Variants in RIMS2 observed in about 807,000 individuals in gnomAD.
RIMS2 encodes regulating synaptic membrane exocytosis protein 2.
Under a neutral mutation model 174.4 loss-of-function variants are expected in RIMS2, and 59 were observed. The observed-to-expected ratio is 0.34, with a 90% CI of 0.27 to 0.42. The LOEUF (loss-of-function observed/expected upper bound fraction) is 0.42, where lower values mean the gene tolerates loss of function less well. RIMS2 is among the 10% of genes least tolerant of loss of function. The probability of loss-of-function intolerance (pLI) is 1.00; values close to 1 mark genes in which losing one functional copy is unlikely to be tolerated. For missense variants in RIMS2, 1,620 were observed against 1,666.3 expected (o/e 0.97, Z 0.48); for synonymous variants, 606 against 572.5 (o/e 1.06, Z -0.84).
chr8:103,609,874 A>G (rs956775489), intron 1 of RIMS2, among the ~76,000 whole-genome samples: 5 of 152,244 alleles, frequency 3.3e-5, no homozygotes, highest in Middle Eastern at 3.4e-3. Context: ...GAAGTATGTC[A>G]TTGGTAGTTT....
intron 19 of RIMS2, among the ~76,000 whole-genome samples, chr8:104,114,472 TAAAGA>T (rs1307001553): frequency 6.6e-6 from 1 of 151,966 alleles, no homozygotes; most frequent in Non-Finnish European, 1.5e-5. Flanking sequence ...AGATGACAGT[TAAAGA>T]AGAGAACAAA....
Position 103,766,207 on chromosome 8 carries a change from C to T in RIMS2, c.388-20C>T. The T allele has an allele frequency of 2.6e-6, 4 of 1,551,082 alleles. No individual in the cohort carries two copies. Among genetic ancestry groups the T allele is most frequent in the African/African-American group, 1.4e-5 (1 of 72,664 alleles). On this transcript the variant is annotated intron_variant, in intron 2 of 23. Transcript: ENST00000504942. ...ACTTTTGGGAACACTAATTTTTTCC[C>T]CCTATGTCTTCATGTGCAGGTTATG...
chr8:103,569,278 G>T (rs926574072), intron 1 of RIMS2, among the ~76,000 whole-genome samples: 1 of 151,972 alleles, frequency 6.6e-6, no homozygotes, highest in Non-Finnish European at 1.5e-5. Flanking sequence ...AGCACTATTT[G>T]TTGTAAATAC....
chr8:103,987,496 C>T (rs908942932), intron 16 of RIMS2, among the ~76,000 whole-genome samples: 1 of 152,120 alleles, frequency 6.6e-6, no homozygotes, highest in Non-Finnish European at 1.5e-5. Context: ...GAACCACCTA[C>T]ACTTCATAAA....
intron 1 of RIMS2, among the ~76,000 whole-genome samples, chr8:103,512,580 C>G (rs927711215): frequency 2.0e-5 from 3 of 151,952 alleles, no homozygotes; most frequent in African/African-American, 7.2e-5. Flanking sequence ...GGTATGCATA[C>G]AACTTCTGCT....
chr8:103,519,388 G>A (rs1055437399), intron 1 of RIMS2, among the ~76,000 whole-genome samples: 1 of 152,012 alleles, frequency 6.6e-6, no homozygotes, highest in Non-Finnish European at 1.5e-5. Flanking sequence ...TTTGCAGCAG[G>A]AATTTATATA....
intron 17 of RIMS2, among the ~76,000 whole-genome samples, chr8:103,991,137 T>G (rs1471341072): frequency 6.6e-6 from 1 of 151,710 alleles, no homozygotes; most frequent in Non-Finnish European, 1.5e-5. Context: ...TCATTATATT[T>G]TTATTTTTTA....
intron 1 of RIMS2, among the ~76,000 whole-genome samples, chr8:103,602,728 A>G (rs902091790): frequency 1.3e-5 from 2 of 152,226 alleles, no homozygotes; most frequent in African/African-American, 4.8e-5. Context: ...GGTTGAATCC[A>G]TGTCTTTGCT....
At chr8:104,215,950 G>T (rs2099127881) in intron 19 of RIMS2, among the ~76,000 whole-genome samples, 1 of 152,076 alleles carries the variant, frequency 6.6e-6, no homozygotes, top group Admixed American at 6.5e-5. Flanking sequence ...AGTTTTCTTT[G>T]TCCCTATTTT....
At chr8:104,029,732 A>G (rs1236673044) in intron 19 of RIMS2, among the ~76,000 whole-genome samples, 1 of 152,184 alleles carries the variant, frequency 6.6e-6, no homozygotes, top group Non-Finnish European at 1.5e-5. Flanking sequence ...AGAAGATAGA[A>G]TGTCATCTAT....
intron 19 of RIMS2, among the ~76,000 whole-genome samples, chr8:104,045,007 A>G (rs919572132): frequency 6.6e-5 from 10 of 151,856 alleles, no homozygotes; most frequent in Admixed American, 2.0e-4. Context: ...AATAAAAGCA[A>G]ACTAAAGTTA....
intron 19 of RIMS2, among the ~76,000 whole-genome samples, chr8:104,096,135 G>A (rs956277605): frequency 2.6e-5 from 4 of 151,984 alleles, no homozygotes; most frequent in African/African-American, 9.7e-5. Flanking sequence ...CTAATTCACA[G>A]AGAAAAGCTT....
intron 12 of RIMS2, among the ~76,000 whole-genome samples, chr8:103,932,724 A>T (rs2080247849): frequency 6.6e-6 from 1 of 152,160 alleles, no homozygotes; most frequent in African/African-American, 2.4e-5. Flanking sequence ...TTTTATTTTT[A>T]TGTAACCCCT....
intron 19 of RIMS2, among the ~76,000 whole-genome samples, chr8:104,140,247 TTC>T (rs2098554921): frequency 6.6e-6 from 1 of 152,188 alleles, no homozygotes; most frequent in African/African-American, 2.4e-5. Flanking sequence ...TTGAATATTT[TTC>T]TCTCTCTACA....
intron 19 of RIMS2, among the ~76,000 whole-genome samples, chr8:104,229,645 T>G (rs1015480868): frequency 3.3e-5 from 5 of 152,120 alleles, no homozygotes; most frequent in Admixed American, 6.5e-5. Flanking sequence ...TCTCGGCAGC[T>G]AGCTCTCTCC....
chr8:103,607,184 T>C (rs2095141081), intron 1 of RIMS2, among the ~76,000 whole-genome samples: 1 of 152,212 alleles, frequency 6.6e-6, no homozygotes, highest in African/African-American at 2.4e-5. Context: ...GGAGCTCTTT[T>C]AGGGCAGGCC....
chr8:104,160,499 A>G (rs1451642594), intron 19 of RIMS2, among the ~76,000 whole-genome samples: 4 of 152,178 alleles, frequency 2.6e-5, no homozygotes, highest in African/African-American at 9.6e-5. Flanking sequence ...CTAGTGTTTC[A>G]TTATTGTTTA....
chr8:104,131,221 T>C (rs1185495262), intron 19 of RIMS2, among the ~76,000 whole-genome samples: 1 of 152,206 alleles, frequency 6.6e-6, no homozygotes, highest in Non-Finnish European at 1.5e-5. Context: ...GATTATTATG[T>C]AAGTGGTAGC....
At chr8:103,967,868 T>TTTTTG (rs2092308966) in intron 15 of RIMS2, among the ~76,000 whole-genome samples, 1 of 148,274 alleles carries the variant, frequency 6.7e-6, no homozygotes, top group South Asian at 2.2e-4. Flanking sequence ...TTTTTTTTTT[T>TTTTTG]TTTGAGACAG....
Sources: gnomAD v4.1 joint callset for allele counts (sites outside exome capture counted in the v4.1 genomes callset) on GRCh38, gnomAD v4.1.1 for gene constraint, MANE v1.5 for transcripts, NCBI Gene and HGNC (gene_info 2026-07-23, HGNC 2026-07-21) for gene names.